The following FDFT1 variants were observed in gnomAD, a reference collection of about 807,000 sequenced individuals.
The protein encoded by FDFT1 is farnesyl-diphosphate farnesyltransferase 1.
A neutral mutation model predicts 46.8 loss-of-function variants in FDFT1; 68 were observed. That is an observed-to-expected ratio of 1.45 (90% CI 1.19 to 1.78). The LOEUF is 1.78. Among genes scored for constraint, FDFT1 ranks in the 40% most tolerant of loss-of-function variants. FDFT1 has a pLI of 0.00. For synonymous variants in FDFT1, 351 were observed against 185.1 expected (o/e 1.90, Z -7.28); for missense variants, 928 against 524.4 (o/e 1.77, Z -7.52).
chr8:11,830,659 G>C (rs766401728), intron 6 of FDFT1, among the ~76,000 whole-genome samples: 11 of 152,160 alleles, frequency 7.2e-5, no homozygotes, highest in Non-Finnish European at 1.5e-4. Flanking sequence ...ATTTTCTACA[G>C]CTATCCTAAA....
chr8:11,816,462 A>G (rs1808465862), intron 3 of FDFT1, among the ~76,000 whole-genome samples: 1 of 152,332 alleles, frequency 6.6e-6, no homozygotes, highest in South Asian at 2.1e-4. Context: ...CTTGGGCAGT[A>G]TAGCCATTTT....
chr8:11,802,787 C>T lies in FDFT1; in HGVS notation c.-46C>T, dbSNP rs756713677. On this transcript the variant is annotated 5_prime_UTR_variant, in exon 1 of 8. Transcript: ENST00000220584. ...CAGCCGGCCGGTGAGCGCCTGGGGA[C>T]CGCAGAGGTGAGAGTCGCGCCCGGG... The T allele has an allele frequency of 3.4e-6, 5 of 1,480,480 alleles. No individual in the cohort carries two copies. The highest frequency in any genetic ancestry group is 2.3e-5 in the East Asian group (1 of 43,104). 91.7% of individuals were successfully genotyped at this position (1,480,480 alleles called of 1,614,324 possible).
At chr8:11,810,041 C>G in intron 3 of FDFT1, 191 bp downstream of exon 3, 1 of 542,902 alleles carries the variant, frequency 1.8e-6, no homozygotes, top group Non-Finnish European at 3.2e-6. Context: ...AAATCTCCCA[C>G]TTACTAAACT....
chr8:11,834,596 A>G (rs1811288383), intron 7 of FDFT1, among the ~76,000 whole-genome samples: 1 of 151,308 alleles, frequency 6.6e-6, no homozygotes, highest in Admixed American at 6.6e-5. Flanking sequence ...ACCCAAACGT[A>G]TCGAATCAGA....
rs1032425294 is a variant in FDFT1, at chr8:11,838,823, G to T, written c.*214G>T. The T allele has an allele frequency of 5.3e-6, 3 of 568,034 alleles. No homozygotes were observed. The allele number at this position is 568,034 out of a possible 1,614,324, so 35.2% of individuals were successfully genotyped here. On this transcript the variant is annotated 3_prime_UTR_variant, in exon 8 of 8. Transcript: ENST00000220584. ...ATCCCAGCAACCTGTCCTTGTGGGT[G>T]ATGATCACTGTGCTGCTTGTGGCTC...
chr8:11,800,354 G>A (rs530675266), upstream of FDFT1, among the ~76,000 whole-genome samples: 18 of 146,584 alleles, frequency 1.2e-4, no homozygotes, highest in Admixed American at 8.2e-4. Flanking sequence ...GGGTACACTC[G>A]CCAGCAGTTT....
intron 3 of FDFT1, among the ~76,000 whole-genome samples, chr8:11,819,366 C>G (rs1357591877): frequency 2.0e-5 from 3 of 152,092 alleles, no homozygotes; most frequent in African/African-American, 7.2e-5. Context: ...GTGGTGTTCT[C>G]TGTATTTCCT....
upstream of FDFT1, among the ~76,000 whole-genome samples, chr8:11,801,358 C>T (rs930599193): frequency 2.0e-5 from 3 of 152,302 alleles, no homozygotes; most frequent in East Asian, 1.9e-4. Flanking sequence ...TCGCTCTTGT[C>T]CCCCAGGCTG....
intron 4 of FDFT1, among the ~76,000 whole-genome samples, chr8:11,824,366 G>A (rs913213400): frequency 2.6e-5 from 4 of 152,224 alleles, no homozygotes; most frequent in Non-Finnish European, 4.4e-5. Context: ...TGAAATCTCT[G>A]TTGAGAGAGG....
intron 4 of FDFT1, among the ~76,000 whole-genome samples, chr8:11,822,426 A>T (rs747472810): frequency 3.9e-5 from 6 of 152,148 alleles, no homozygotes; most frequent in Non-Finnish European, 8.8e-5. Context: ...TAATTTTTCA[A>T]ACCTCAAAAC....
In FDFT1 at chr8:11,826,611, C is replaced by T. The variant is rs940006546; in HGVS notation, c.702+396C>T. ...GGCGGATCACCTGAGGCCAGGAGTT[C>T]GAGACCAGCCTGGCCAACATCGTGA... On this transcript the variant is annotated intron_variant, in intron 5 of 7. Coordinates refer to ENST00000220584, the MANE Select transcript of FDFT1 (RefSeq NM_004462.5). 4.6e-5 allele frequency among the ~76,000 whole-genome samples: 7 copies of T among 152,128 alleles called. No homozygotes were observed. In the East Asian group the frequency reaches 5.8e-4, roughly 13 times the overall value.
chr8:11,814,550 T>G (rs1839063397), intron 3 of FDFT1, among the ~76,000 whole-genome samples: 2 of 152,212 alleles, frequency 1.3e-5, no homozygotes, highest in African/African-American at 4.8e-5. Flanking sequence ...GGCTCTCATG[T>G]TTTAAGACTT....
intron 7 of FDFT1, among the ~76,000 whole-genome samples, chr8:11,832,174 A>G (rs1554528226): frequency 6.6e-6 from 1 of 152,180 alleles, no homozygotes; most frequent in Non-Finnish European, 1.5e-5. Flanking sequence ...TTTTCTTTGG[A>G]AAATTTCATT....
chr8:11,827,142 A>T (rs1027144345), intron 5 of FDFT1, among the ~76,000 whole-genome samples: 14 of 152,278 alleles, frequency 9.2e-5, no homozygotes, highest in African/African-American at 3.1e-4. Flanking sequence ...TTTGCTTTCC[A>T]TAAAAGTGTT....
chr8:11,806,524 C>T (rs1585865074), intron 1 of FDFT1, among the ~76,000 whole-genome samples: 1 of 151,998 alleles, frequency 6.6e-6, no homozygotes, highest in Non-Finnish European at 1.5e-5. Flanking sequence ...GAATGGAGGG[C>T]TGTATGGAAA....
upstream of FDFT1, chr8:11,802,509 CG>C (rs1806245552): frequency 2.0e-6 from 1 of 510,954 alleles, no homozygotes; most frequent in Admixed American, 2.3e-5. Context: ...TCCCGCTCGT[CG>C]GCCTCTTTCT....
chr8:11,831,395 T>A, intron 6 of FDFT1, 123 bp from the exon 7 acceptor site: 1 of 784,664 alleles, frequency 1.3e-6, no homozygotes, highest in Non-Finnish European at 2.1e-6. Flanking sequence ...CTTGAGCGAT[T>A]CCATCTTAGT....
In FDFT1 at chr8:11,838,604, C is replaced by T. The variant is rs772866170; in HGVS notation, c.1249C>T (p.His417Tyr). 30 of 1,612,300 alleles carry T rather than the reference C, an allele frequency of 1.9e-5. No homozygotes were observed. Among genetic ancestry groups the T allele is most frequent in the Non-Finnish European group, 2.3e-5 (27 of 1,178,324 alleles). The change falls in exon 8 of 8, where the codon CAC becomes TAC. Residue 417 changes from histidine to tyrosine, a missense_variant. Physicochemically the swap from His to Tyr is moderately conservative, Grantham distance 83. Coordinates refer to ENST00000220584, the MANE Select transcript of FDFT1 (RefSeq NM_004462.5). ...AGAAGACTATGTTCAGACTGGAGAA[C>T]ACTGATCCCAAATTTGTCCATAGCT... is the stretch of plus-strand genomic sequence containing the variant. ...VTEDYVQTGE[H>Y]
upstream of FDFT1, among the ~76,000 whole-genome samples, chr8:11,800,318 C>G (rs184325978): frequency 7.2e-6 from 1 of 138,988 alleles, no homozygotes; most frequent in Non-Finnish European, 1.5e-5. Context: ...ATTTACTAAG[C>G]AGGCCATTTT....
Sources: allele counts gnomAD v4.1 joint callset (sites outside exome capture counted in the v4.1 genomes callset), GRCh38; gene constraint gnomAD v4.1.1; transcripts MANE v1.5; gene names NCBI Gene and HGNC (gene_info 2026-07-23, HGNC 2026-07-21).